The following STX11 variants were observed in gnomAD, a reference collection of about 807,000 sequenced individuals.
STX11 encodes the protein syntaxin-11.
A neutral mutation model predicts 19.9 loss-of-function variants in STX11; 21 were observed. The ratio of observed to expected loss-of-function variants is 1.06; its 90% CI spans 0.75 to 1.52. The LOEUF is 1.52. Ranked by LOEUF, STX11 falls within the 40% of genes most tolerant of loss-of-function variation. STX11 has a pLI of 0.00. For missense variants in STX11, 438 were observed against 405.9 expected, an observed-to-expected ratio of 1.08 and a Z score of -0.68; for synonymous variants, 193 against 174.4, an observed-to-expected ratio of 1.11 and a Z score of -0.84.
intron 1 of STX11, 144 bp from the exon 2 acceptor site, chr6:144,186,479 C>A: frequency 1.0e-6 from 1 of 961,782 alleles, no homozygotes; most frequent in Non-Finnish European, 1.6e-6. Context: ...AATGTCAGAA[C>A]ATTTAGCTCC....
rs1258867894 is a variant in STX11, at chr6:144,187,213, G to T, written c.586G>T (p.Asp196Tyr). ...WDVFSENLLA[D>Y]VKGARAALNE... The stretch of plus-strand genomic sequence containing the variant: ...CGTGTTTTCCGAGAACTTGCTGGCC[G>T]ACGTGAAGGGCGCGCGGGCCGCCCT... The change falls in exon 2 of 2, where the codon GAC becomes TAC. Residue 196 changes from aspartate to tyrosine, a missense_variant. Transcript: ENST00000367568. The surrounding 1 kb of genome is among the most constrained non-coding windows in gnomAD (Gnocchi z 5.6). The T allele has an allele frequency of 1.2e-6, 2 of 1,613,968 alleles. No homozygotes were observed. The highest frequency in any genetic ancestry group is 1.3e-5 in the African/African-American group (1 of 75,064).
rs971442973 is a variant in STX11, at chr6:144,172,155, A to C, written c.-5-14468A>C. On this transcript the variant is annotated intron_variant, in intron 1 of 1. Transcript: ENST00000367568. This position sits in a 1 kb window ranked among gnomAD's most constrained non-coding sequence, Gnocchi z 4.2. ...GAGAGGTGTATCAGGTAGCTTTGTC[A>C]GTATAACAAGCCACCCCCAAATAAC... Among the ~76,000 whole-genome samples, 1 of 152,350 alleles carries C rather than the reference A, an allele frequency of 6.6e-6. No individual in the cohort carries two copies. The highest frequency in any genetic ancestry group is 2.4e-5 in the African/African-American group (1 of 41,588).
rs1048590162 is a variant in STX11, at chr6:144,153,135, C to G, written c.-6+2432C>G. Among the ~76,000 whole-genome samples, 1 of 152,144 alleles carries G rather than the reference C, an allele frequency of 6.6e-6. No homozygotes were observed. On this transcript the variant is annotated intron_variant, in intron 1 of 1. Coordinates refer to ENST00000367568, the MANE Select transcript of STX11 (RefSeq NM_003764.4). This position sits in a 1 kb window ranked among gnomAD's most constrained non-coding sequence, Gnocchi z 5.0. ...CAAGTATCAAGGTTTCCAAGTTTCC[C>G]CAGTTTGCTAAGATATCCAACTGGT...
chr6:144,141,687 T>C, the STX11 span, among the ~76,000 whole-genome samples: 1 of 151,782 alleles, frequency 6.6e-6, no homozygotes, highest in Non-Finnish European at 1.5e-5. Context: ...GTTGTTGTTG[T>C]TGTTGTTTTG....
rs964444760 is a variant in STX11, at chr6:144,174,313, A to G, written c.-5-12310A>G. ...CCTCAGACTCAAGGAGTTGAGAAAT[A>G]GTCTGTACCTCTTGATCAGAGAAGC... is the stretch of plus-strand genomic sequence containing the variant. On this transcript the variant is annotated intron_variant, in intron 1 of 1. Transcript: ENST00000367568. This position sits in a 1 kb window ranked among gnomAD's most constrained non-coding sequence, Gnocchi z 5.3. Among the ~76,000 whole-genome samples the G allele has an allele frequency of 2.0e-5, 3 of 152,230 alleles. No individual in the cohort carries two copies. The highest frequency in any genetic ancestry group is 6.5e-5 in the Admixed American group (1 of 15,290).
the STX11 span, among the ~76,000 whole-genome samples, chr6:144,143,038 T>G: frequency 6.6e-6 from 1 of 152,238 alleles, no homozygotes; most frequent in African/African-American, 2.4e-5. Context: ...TAAAATATTA[T>G]GTACCAATTC....
intron 1 of STX11, among the ~76,000 whole-genome samples, chr6:144,156,248 G>C (rs1026956421): frequency 1.5e-4 from 23 of 151,994 alleles, no homozygotes; most frequent in African/African-American, 5.6e-4. Context: ...ATTTTTAGTA[G>C]AGATGGGATT....
rs988446383 is a variant in STX11 at position 144,187,632 on chromosome 6, C to G, written c.*141C>G. On this transcript the variant is annotated 3_prime_UTR_variant, in exon 2 of 2. Coordinates refer to ENST00000367568, the MANE Select transcript of STX11 (RefSeq NM_003764.4). The surrounding 1 kb of genome is among the most constrained non-coding windows in gnomAD (Gnocchi z 5.6). Reference sequence around the variant, plus strand: ...GTCTTTAGAAAAGAAACGCCAGGTTCAAGAATTGCAAACCAGCCTGTGCTT... The same window carrying G: ...GTCTTTAGAAAAGAAACGCCAGGTTGAAGAATTGCAAACCAGCCTGTGCTT... 3.5e-6 allele frequency: 4 copies of G among 1,130,240 alleles called. No individual in the cohort carries two copies. The African/African-American group carries it at 4.7e-5, about 13-fold the overall frequency. 70.0% of individuals were successfully genotyped at this position (1,130,240 alleles called of 1,614,324 possible).
Position 144,175,163 on chromosome 6 carries a change from A to C in STX11, c.-5-11460A>C, listed in dbSNP as rs992696032. ...TACTCAGGAGGCTTAGGCATTGCTA[A>C]ACATAGGAGGCAGAGGCTGCAGTGA... On this transcript the variant is annotated intron_variant, in intron 1 of 1. Coordinates refer to ENST00000367568, the MANE Select transcript of STX11 (RefSeq NM_003764.4). The surrounding 1 kb of genome is among the most constrained non-coding windows in gnomAD (Gnocchi z 5.1). Among the ~76,000 whole-genome samples, 8 of 151,870 alleles carry C rather than the reference A, an allele frequency of 5.3e-5. No homozygotes were observed. Among genetic ancestry groups the C allele is most frequent in the African/African-American group, 1.9e-4 (8 of 41,342 alleles).
In STX11 at chr6:144,187,551, ACCAAAGCCGGGAGCTCTGC is replaced by A; in HGVS notation, c.*63_*81del. On this transcript the variant is annotated 3_prime_UTR_variant, in exon 2 of 2. Transcript: ENST00000367568. This position sits in a 1 kb window ranked among gnomAD's most constrained non-coding sequence, Gnocchi z 5.6. ...CCATGGAGCGCGCTGGGAAGGACGC[ACCAAAGCCGGGAGCTCTGC>A]CCTGCAGGGAGTTGCCCCAACCCTT... is the stretch of plus-strand genomic sequence containing the variant. 6.2e-7 allele frequency: 1 copy of A among 1,607,142 alleles called. No homozygotes were observed. Among genetic ancestry groups the A allele is most frequent in the Non-Finnish European group, 8.5e-7 (1 of 1,177,662 alleles).
chr6:144,185,221 C>G (rs1387760348), intron 1 of STX11, among the ~76,000 whole-genome samples: 2 of 152,162 alleles, frequency 1.3e-5, no homozygotes, highest in Non-Finnish European at 2.9e-5. Flanking sequence ...TAATATTTCA[C>G]CATTTTCCAT....
chr6:144,146,310 A>C (rs1228681020), upstream of STX11, among the ~76,000 whole-genome samples: 3 of 152,206 alleles, frequency 2.0e-5, no homozygotes, highest in Non-Finnish European at 4.4e-5. This position sits in a 1 kb window ranked among gnomAD's most constrained non-coding sequence, Gnocchi z 4.4. Flanking sequence ...CTTATCGGTC[A>C]TCATCTCTGA....
In STX11 at chr6:144,174,788, AT is replaced by A. The variant is rs146428788; in HGVS notation, c.-5-11834del. Among the ~76,000 whole-genome samples, 18,137 of 152,176 alleles carry A rather than the reference AT, an allele frequency of 0.12. 1,792 individuals carry two copies. The highest frequency in any genetic ancestry group is 0.46 in the East Asian group (2,378 of 5,174). On this transcript the variant is annotated intron_variant, in intron 1 of 1. Transcript: ENST00000367568. The surrounding 1 kb of genome is among the most constrained non-coding windows in gnomAD (Gnocchi z 5.3). ...AACAGATGCTCACCACGTCATGGAA[AT>A]AATCTAATTGGTTGATGTATTCATG...
intron 1 of STX11, 55 bp downstream of exon 1, chr6:144,150,758 C>A: frequency 1.5e-5 from 3 of 195,918 alleles, no homozygotes; most frequent in Non-Finnish European, 2.5e-5. Context: ...TTTCCCCGTG[C>A]GCGGAGAGAT....
At position 144,151,994 on chromosome 6, in the gene STX11, T is replaced by C. The variant is rs1439058633; in HGVS notation, c.-6+1291T>C. 2.0e-5 allele frequency among the ~76,000 whole-genome samples: 3 copies of C among 152,142 alleles called. No homozygotes were observed. Among genetic ancestry groups the C allele is most frequent in the Admixed American group, 2.0e-4 (3 of 15,270 alleles). On this transcript the variant is annotated intron_variant, in intron 1 of 1. Coordinates refer to ENST00000367568, the MANE Select transcript of STX11 (RefSeq NM_003764.4). This position sits in a 1 kb window ranked among gnomAD's most constrained non-coding sequence, Gnocchi z 4.6. ...AGCTGAATTCAGCCTCAAACAACAG[T>C]TACCAGGTACCTTCTCTGTGCCAGC...
At chr6:144,150,421 G>A, upstream of STX11, 3 of 912,898 alleles carry the variant, frequency 3.3e-6, no homozygotes, top group Non-Finnish European at 3.9e-6. Context: ...TCTGTGAGCC[G>A]GCTGCCGCCG....
At position 144,160,191 on chromosome 6, in the gene STX11, G is replaced by T. The variant is rs897412319; in HGVS notation, c.-6+9488G>T. On this transcript the variant is annotated intron_variant, in intron 1 of 1. Transcript: ENST00000367568. The surrounding 1 kb of genome is among the most constrained non-coding windows in gnomAD (Gnocchi z 4.3). ...CTAATTTTTGTATTTTTTTAGTAGAGACGGGGTTTCACTATATTTGGCCAG... is the reference window on the plus strand; with the variant it reads ...CTAATTTTTGTATTTTTTTAGTAGATACGGGGTTTCACTATATTTGGCCAG... Among the ~76,000 whole-genome samples, 1 of 152,070 alleles carries T rather than the reference G, an allele frequency of 6.6e-6. No individual in the cohort carries two copies. The highest frequency in any genetic ancestry group is 1.5e-5 in the Non-Finnish European group (1 of 68,004).
upstream of STX11, among the ~76,000 whole-genome samples, chr6:144,150,322 G>A (rs1232609470): frequency 1.3e-5 from 2 of 152,218 alleles, no homozygotes; most frequent in East Asian, 1.9e-4. Context: ...CCGCGGGAAC[G>A]CCCCTGGGCT....
At chr6:144,181,196 A>T (rs996034746) in intron 1 of STX11, among the ~76,000 whole-genome samples, 4 of 152,184 alleles carry the variant, frequency 2.6e-5, no homozygotes, top group Non-Finnish European at 2.9e-5. Flanking sequence ...GAGAGAGGCC[A>T]GTAGCTACCC....
Sources: gnomAD v4.1 joint callset for allele counts (sites outside exome capture counted in the v4.1 genomes callset) on GRCh38, gnomAD v4.1.1 for gene constraint, Gnocchi (gnomAD v3.1) non-coding constraint, MANE v1.5 for transcripts, NCBI Gene and HGNC (gene_info 2026-07-23, HGNC 2026-07-21) for gene names.